The following IGBP1C variants were observed in gnomAD, a reference collection of about 807,000 sequenced individuals.
The protein encoded by IGBP1C is IGBP1 family member C, also known as immunoglobulin-binding protein 1 family member C.
the IGBP1C span, among the ~76,000 whole-genome samples, chr17:58,676,896 C>T: frequency 6.6e-6 from 1 of 151,884 alleles, no homozygotes; most frequent in Non-Finnish European, 1.5e-5. Flanking sequence ...TTTGGGAGGA[C>T]GAGGCAGGCA....
chr17:58,684,218 T>C, the IGBP1C span, among the ~76,000 whole-genome samples: 9 of 151,698 alleles, frequency 5.9e-5, no homozygotes, highest in East Asian at 1.9e-4. Flanking sequence ...TCCCAGCACT[T>C]TGGGAGGCCT....
chr17:58,663,132 A>G, the IGBP1C span, among the ~76,000 whole-genome samples: 30 of 149,050 alleles, frequency 2.0e-4, no homozygotes, highest in African/African-American at 7.4e-4. Flanking sequence ...AAGAAAAGTC[A>G]TTAATGTTGG....
chr17:58,689,027 T>A, the IGBP1C span, among the ~76,000 whole-genome samples: 1 of 151,822 alleles, frequency 6.6e-6, no homozygotes, highest in African/African-American at 2.4e-5. Context: ...GCCTCCCGGG[T>A]TCACACCATT....
At chr17:58,661,408 G>GA in the IGBP1C span, 1 of 854,800 alleles carries the variant, frequency 1.2e-6, no homozygotes, top group Non-Finnish European at 2.1e-6. Flanking sequence ...CATTTCGGCT[G>GA]AACAAGTCAA....
the IGBP1C span, among the ~76,000 whole-genome samples, chr17:58,673,763 G>A: frequency 6.6e-6 from 1 of 151,630 alleles, no homozygotes; most frequent in African/African-American, 2.4e-5. Context: ...TCTACAGTTG[G>A]GGTTAAGCCA....
the IGBP1C span, among the ~76,000 whole-genome samples, chr17:58,680,351 A>C: frequency 2.0e-5 from 3 of 152,196 alleles, no homozygotes; most frequent in Admixed American, 2.0e-4. Context: ...CTACCAGTCC[A>C]AAGTGTCATG....
the IGBP1C span, among the ~76,000 whole-genome samples, chr17:58,683,143 C>T: frequency 1.3e-5 from 2 of 150,738 alleles, no homozygotes; most frequent in East Asian, 1.9e-4. Context: ...GAGGCTGAGG[C>T]GGGTGAATCA....
At chr17:58,661,714 G>A in the IGBP1C span, 121 of 578,212 alleles carry the variant, frequency 2.1e-4, 1 homozygote, top group African/African-American at 2.0e-3. Flanking sequence ...AGGGCAGTCA[G>A]GGAGGCGGTG....
chr17:58,674,869 G>C, the IGBP1C span, among the ~76,000 whole-genome samples: 6 of 151,334 alleles, frequency 4.0e-5, no homozygotes, highest in African/African-American at 1.5e-4. Context: ...GGTAGGCCGG[G>C]CACGGTGGCT....
chr17:58,665,699 G>A, the IGBP1C span, among the ~76,000 whole-genome samples: 113 of 151,930 alleles, frequency 7.4e-4, no homozygotes, highest in Non-Finnish European at 1.5e-3. Context: ...AGTAAGCAAC[G>A]GTAACAACCC....
chr17:58,667,606 C>T, the IGBP1C span, among the ~76,000 whole-genome samples: 6 of 152,248 alleles, frequency 3.9e-5, no homozygotes, highest in East Asian at 1.9e-4. Context: ...CTTTGCTGGC[C>T]GGGTGCAGTG....
the IGBP1C span, among the ~76,000 whole-genome samples, chr17:58,662,173 C>T: frequency 6.6e-6 from 1 of 151,176 alleles, no homozygotes; most frequent in Non-Finnish European, 1.5e-5. Flanking sequence ...ACTGAGTGGC[C>T]AGGCGCGGTG....
chr17:58,661,218 G>T, the IGBP1C span: 1 of 796,438 alleles, frequency 1.3e-6, no homozygotes, highest in Non-Finnish European at 2.3e-6. Context: ...GTTTGGGGCA[G>T]CTCAAACTCG....
the IGBP1C span, among the ~76,000 whole-genome samples, chr17:58,676,110 T>G: frequency 6.6e-6 from 1 of 152,134 alleles, no homozygotes; most frequent in Non-Finnish European, 1.5e-5. Context: ...GTGCAGTTGC[T>G]CACGCCTGTG....
the IGBP1C span, among the ~76,000 whole-genome samples, chr17:58,675,860 T>G: frequency 6.6e-6 from 1 of 152,360 alleles, no homozygotes; most frequent in East Asian, 1.9e-4. Context: ...AAAGGTACGG[T>G]GATTACAAGC....
At chr17:58,664,901 G>A in the IGBP1C span, among the ~76,000 whole-genome samples, 1 of 152,296 alleles carries the variant, frequency 6.6e-6, no homozygotes, top group East Asian at 1.9e-4. Context: ...CCTGGGTTCA[G>A]TGGCACTGAG....
chr17:58,673,078 T>C, the IGBP1C span, among the ~76,000 whole-genome samples: 2 of 152,034 alleles, frequency 1.3e-5, no homozygotes, highest in East Asian at 3.9e-4. Flanking sequence ...TTCTTACAAT[T>C]GAGTGGTTCT....
the IGBP1C span, chr17:58,660,664 A>G: frequency 1.3e-6 from 1 of 783,892 alleles, no homozygotes; most frequent in Non-Finnish European, 2.4e-6. Flanking sequence ...GTGTTTGTTC[A>G]TCATCCTCTT....
At chr17:58,685,712 C>T in the IGBP1C span, among the ~76,000 whole-genome samples, 19 of 151,852 alleles carry the variant, frequency 1.3e-4, no homozygotes, top group South Asian at 1.9e-3. Flanking sequence ...CAAAATAAGG[C>T]GAGGTGCGGT....
Sources: gnomAD v4.1 joint callset for allele counts (sites outside exome capture counted in the v4.1 genomes callset) on GRCh38, gnomAD v4.1.1 for gene constraint, MANE v1.5 for transcripts, NCBI Gene and HGNC (gene_info 2026-07-23, HGNC 2026-07-21) for gene names.